The following TTN variants were observed in gnomAD, a reference collection of about 807,000 sequenced individuals.
TTN encodes the protein connectin.
In TTN, 1,525 loss-of-function variants were observed where a neutral mutation model predicts 3,223.0. That is an observed-to-expected ratio of 0.47 (90% confidence interval 0.45 to 0.49). TTN has a LOEUF of 0.49. TTN is among the 20% of genes least tolerant of loss of function. The pLI is 0.00. For synonymous variants in TTN, 14,094 were observed against 15,161.0 expected (o/e 0.93, Z 5.17); for missense variants, 40,786 against 43,424.0 (o/e 0.94, Z 5.40).
intron 43 of TTN, 25 bp from the exon 44 acceptor site, chr2:178,759,197 C>T (rs1050006284): frequency 4.3e-6 from 7 of 1,613,164 alleles, no homozygotes; most frequent in Admixed American, 3.3e-5. Context: ...AAAAGAGATA[C>T]TTCAACCACA....
At chr2:178,722,192 G>A (rs760889807) in intron 77 of TTN, 58 bp from the exon 78 acceptor site, 103 of 1,528,250 alleles carry the variant, frequency 6.7e-5, no homozygotes, top group Non-Finnish European at 8.1e-5. Flanking sequence ...GCCATTGGTC[G>A]TTTCTACTTT....
rs201241167 is a variant in TTN, at chr2:178,554,496, G to A, written c.88851C>T (p.Gly29617=). ...RVRAVNKYGI[G]EPLESDSVVA... The stretch of plus-strand genomic sequence containing the variant: ...CAACGGAATCAGATTCCAGTGGCTC[G>A]CCAATTCCATATTTGTTCACGGCTC... The change falls in exon 332 of 363, where the codon GGC becomes GGT. Residue 29617 remains glycine, a synonymous_variant. Transcript: ENST00000589042. The A allele has an allele frequency of 6.3e-7, 1 of 1,580,336 alleles. No homozygotes were observed. The highest frequency in any genetic ancestry group is 8.6e-7 in the Non-Finnish European group (1 of 1,166,764).
chr2:178,705,444 A>C, intron 102 of TTN, 87 bp from the exon 103 acceptor site: 1 of 1,027,994 alleles, frequency 9.7e-7, no homozygotes, highest in Non-Finnish European at 1.3e-6. Flanking sequence ...TATATACTTC[A>C]TTAAGGTTTT....
Position 178,625,360 on chromosome 2 carries a change from T to A in TTN, c.44461A>T (p.Thr14821Ser). The A allele has an allele frequency of 3.1e-6, 5 of 1,598,004 alleles. No homozygotes were observed. Among genetic ancestry groups the A allele is most frequent in the Non-Finnish European group, 3.4e-6 (4 of 1,173,676 alleles). Residue 14821 changes from threonine to serine, a missense_variant, in exon 241 of 363, where the codon ACT becomes TCT. Transcript: ENST00000589042. ...TCTTCTAACTTTACATCCCTCAGAG[T>A]AAGTGTATGAACTTTTCCTTCTGAA... ...PRSEGKVHTL[T>S]LRDVKLEDAG...
At chr2:178,687,731 T>G (rs1185722824) in intron 127 of TTN, among the ~76,000 whole-genome samples, 1 of 152,224 alleles carries the variant, frequency 6.6e-6, no homozygotes, top group Non-Finnish European at 1.5e-5. Flanking sequence ...AAGCAATGTT[T>G]GAGAAACACC....
chr2:178,684,604 A>G (rs752730381), intron 131 of TTN, 62 bp downstream of exon 131: 4 of 1,528,356 alleles, frequency 2.6e-6, no homozygotes, highest in Non-Finnish European at 3.6e-6. Context: ...AAAGAACAGC[A>G]GCAGAGAGAA....
At chr2:178,765,435 T>C (rs547419258) in intron 41 of TTN, among the ~76,000 whole-genome samples, 11 of 152,326 alleles carry the variant, frequency 7.2e-5, no homozygotes, top group African/African-American at 2.6e-4. Flanking sequence ...GGTTAGTTCA[T>C]GGAACCCAGA....
At position 178,590,696 on chromosome 2, in the gene TTN, A is replaced by G. The variant is rs6706088; in HGVS notation, c.61029T>C (p.Phe20343=). The part of the protein sequence containing the change: ...TGLYEGNTYE[F]RVFAENLAGL... The stretch of plus-strand genomic sequence containing the variant: ...CTGCAAGATTTTCAGCAAAAACTCT[A>G]AACTCATATGTATTTCCTTCATAGA... The change falls in exon 304 of 363, where the codon TTT becomes TTC. Residue 20343 remains phenylalanine (F), a synonymous_variant. Transcript: ENST00000589042. 375 of 1,613,170 alleles carry G rather than the reference A, an allele frequency of 2.3e-4. No individual in the cohort carries two copies. The African/African-American group carries it at 4.4e-3, about 19-fold the overall frequency.
chr2:178,664,467 A>C lies in TTN; in HGVS notation c.36273T>G (p.Pro12091=). 1 of 1,610,484 alleles carries C rather than the reference A, an allele frequency of 6.2e-7. No homozygotes were observed. The highest frequency in any genetic ancestry group is 8.5e-7 in the Non-Finnish European group (1 of 1,178,120). The change falls in exon 168 of 363, where the codon CCT becomes CCG. Residue 12091 remains proline (P), a synonymous_variant. Transcript: ENST00000589042. ...VHPPQRAEVV[P]VKVHEAPKEI... is the part of the protein sequence containing the mutation. ...AGACAGTTAAGAATGTACCTTTGAC[A>C]GGTACAACTTCAGCCCTTTGGGGAG...
At chr2:178,642,052 C>CT (rs544758177) in intron 219 of TTN, among the ~76,000 whole-genome samples, 185 bp downstream of exon 219, 256 of 145,772 alleles carry the variant, frequency 1.8e-3, no homozygotes, top group African/African-American at 4.3e-3. Context: ...AAATTTCTGT[C>CT]TTTTTTTTTT....
At position 178,534,956 on chromosome 2, in the gene TTN, C is replaced by A; in HGVS notation, c.101659G>T (p.Glu33887Ter). The A allele has an allele frequency of 6.2e-7, 1 of 1,612,888 alleles. No homozygotes were observed. The highest frequency in any genetic ancestry group is 2.2e-5 in the East Asian group (1 of 44,866). ...HLHESFESME[E>*]LVMIFEFISG... The stretch of plus-strand genomic sequence containing the variant: ...ATAAACTCAAAGATCATAACTAATT[C>A]TTCCATGCTTTCAAATGATTCATGG... The change falls in exon 358 of 363, where the codon GAA (glutamate) becomes TAA (stop). Residue 33887 changes from glutamate to a stop codon, truncating the protein, a stop_gained. Transcript: ENST00000589042. LOFTEE classifies it high-confidence loss of function.
chr2:178,593,643 G>C lies in TTN; in HGVS notation c.58657C>G (p.Arg19553Gly), dbSNP rs372959465. ...KLLEGKDYIF[R>G]IHAENLYGIS... is the part of the protein sequence containing the mutation. ...CCATACAGATTTTCAGCATGTATCC[G>C]GAAAATATAATCTTTTCCTTCAAGT... The change falls in exon 298 of 363, where the codon CGG becomes GGG. Residue 19553 changes from arginine (R) to glycine (G), a missense_variant. By Grantham distance (125) the Arg-to-Gly change is moderately radical (BLOSUM62 -2). Transcript: ENST00000589042. 3.1e-6 allele frequency: 5 copies of C among 1,612,832 alleles called. No homozygotes were observed. Among genetic ancestry groups the C allele is most frequent in the African/African-American group, 1.3e-5 (1 of 74,840 alleles).
chr2:178,695,433 A>C (rs1460304044), intron 114 of TTN, 23 bp from the exon 115 acceptor site: 2 of 1,599,674 alleles, frequency 1.3e-6, no homozygotes, highest in Non-Finnish European at 1.7e-6. Flanking sequence ...CACAGGAATA[A>C]GAAGGGATGC....
At position 178,688,232 on chromosome 2, in the gene TTN, A is replaced by T. The variant is rs776754830; in HGVS notation, c.32198-8T>A. The T allele has an allele frequency of 6.2e-7, 1 of 1,609,706 alleles. No homozygotes were observed. Among genetic ancestry groups the T allele is most frequent in the Non-Finnish European group, 8.5e-7 (1 of 1,177,712 alleles). ...ATTCCTCCTCTGCAGATACTTTAAAAGATAAGGTTTCATTTAAATTCAGCC... is the reference window on the plus strand; with the variant it reads ...ATTCCTCCTCTGCAGATACTTTAAATGATAAGGTTTCATTTAAATTCAGCC... On this transcript the variant is annotated splice_polypyrimidine_tract_variant and splice_region_variant and intron_variant, in intron 126 of 362. Coordinates refer to ENST00000589042, the MANE Select transcript of TTN (RefSeq NM_001267550.2).
rs1367441619 is a variant in TTN, at chr2:178,735,581, T to C, written c.14865A>G (p.Ser4955=). The C allele has an allele frequency of 1.9e-6, 3 of 1,612,984 alleles. No homozygotes were observed. Among genetic ancestry groups the C allele is most frequent in the Non-Finnish European group, 2.5e-6 (3 of 1,179,602 alleles). The change falls in exon 50 of 363, where the codon TCA becomes TCG. Residue 4955 remains serine, a synonymous_variant. Coordinates refer to ENST00000589042, the MANE Select transcript of TTN (RefSeq NM_001267550.2). The part of the protein sequence containing the change: ...LEIPLAKLKD[S]GTYVCTASNE... ...TTGAAGCTGTACAGACATAGGTTCC[T>C]GAATCTTTCAGTTTGGCCAAAGGAA...
At chr2:178,613,656 G>T in intron 263 of TTN, 95 bp downstream of exon 263, 1 of 1,288,344 alleles carries the variant, frequency 7.8e-7, no homozygotes, top group Non-Finnish European at 1.0e-6. Context: ...AATTTTTTTA[G>T]TAATATATAA....
At chr2:178,630,131 G>C (rs1190795753) in intron 239 of TTN, 110 bp downstream of exon 239, 1 of 1,459,160 alleles carries the variant, frequency 6.9e-7, no homozygotes, top group Non-Finnish European at 9.3e-7. Context: ...GCCAGTTTTT[G>C]TGTTTTAATA....
In TTN at chr2:178,685,339, G is replaced by C; in HGVS notation, c.32393-9C>G. ...CTCCTGCCTCTCTGTCACTTGAAAAGATTATAAAATATGTTTGTAGAAATG... is the reference window on the plus strand; with the variant it reads ...CTCCTGCCTCTCTGTCACTTGAAAACATTATAAAATATGTTTGTAGAAATG... On this transcript the variant is annotated splice_polypyrimidine_tract_variant and intron_variant, in intron 128 of 362. Transcript: ENST00000589042. 1 of 1,546,688 alleles carries C rather than the reference G, an allele frequency of 6.5e-7. No homozygotes were observed. Among genetic ancestry groups the C allele is most frequent in the Non-Finnish European group, 8.7e-7 (1 of 1,144,656 alleles).
In TTN at chr2:178,575,774, G is replaced by T; in HGVS notation, c.70358C>A (p.Thr23453Asn). The change falls in exon 326 of 363, where the codon ACC (threonine) becomes AAC (asparagine). Residue 23453 changes from threonine (T) to asparagine (N), a missense_variant. Thr to Asn is a moderately conservative substitution (Grantham distance 65). Transcript: ENST00000589042. This position sits in a 1 kb window ranked among gnomAD's most constrained non-coding sequence, Gnocchi z 4.0. ...RPTDITKDSVTLHWDLPLIDG... is the reference protein window; with the variant it reads ...RPTDITKDSVNLHWDLPLIDG... The stretch of plus-strand genomic sequence containing the variant: ...TATCAGAGGGAGGTCCCAGTGCAGG[G>T]TGACACTGTCCTTTGTGATGTCTGT... 1.2e-6 allele frequency: 2 copies of T among 1,613,404 alleles called. No homozygotes were observed. The highest frequency in any genetic ancestry group is 1.7e-6 in the Non-Finnish European group (2 of 1,179,506).
Sources: gnomAD v4.1 joint callset for allele counts (sites outside exome capture counted in the v4.1 genomes callset) on GRCh38, gnomAD v4.1.1 for gene constraint, Gnocchi (gnomAD v3.1) non-coding constraint, MANE v1.5 for transcripts, NCBI Gene and HGNC (gene_info 2026-07-23, HGNC 2026-07-21) for gene names.